FAM81A: variants seen among roughly 807,000 people sequenced by gnomAD.
FAM81A encodes family with sequence similarity 81 member A, also known as protein FAM81A.
In FAM81A, 19 loss-of-function variants were observed where a neutral mutation model predicts 46.7. The ratio of observed to expected loss-of-function variants is 0.41; its 90% confidence interval spans 0.28 to 0.60. The LOEUF (loss-of-function observed/expected upper bound fraction) is 0.60. Ranked by LOEUF, FAM81A falls within the 20% of genes least tolerant of loss-of-function variation. FAM81A has a pLI of 0.34. For synonymous variants in FAM81A, 183 were observed against 152.9 expected, an observed-to-expected ratio of 1.20 and a Z score of -1.45; for missense variants, 377 against 453.5, an observed-to-expected ratio of 0.83 and a Z score of 1.53.
At chr15:59,433,712 C>T (rs761777014), upstream of FAM81A, among the ~76,000 whole-genome samples, 1 of 152,164 alleles carries the variant, frequency 6.6e-6, no homozygotes, top group Admixed American at 6.5e-5. Flanking sequence ...CGATAAAGAA[C>T]AGCCATAAAG....
chr15:59,505,936 C>A (rs1161477742), intron 4 of FAM81A, among the ~76,000 whole-genome samples: 1 of 152,182 alleles, frequency 6.6e-6, no homozygotes, highest in East Asian at 1.9e-4. Context: ...CTGGCCATCT[C>A]TTATTCCAGG....
chr15:59,446,091 A>G (rs2081351575), intron 1 of FAM81A, among the ~76,000 whole-genome samples: 1 of 152,214 alleles, frequency 6.6e-6, no homozygotes, highest in Non-Finnish European at 1.5e-5. Context: ...AAGGTGAATG[A>G]ACAAATATGT....
At chr15:59,430,228 G>A (rs974208242) in intron 2 of FAM81A, among the ~76,000 whole-genome samples, 1 of 149,070 alleles carries the variant, frequency 6.7e-6, no homozygotes, top group Admixed American at 6.7e-5. Context: ...CCCTTCCTGT[G>A]GCACCAAATA....
intron 4 of FAM81A, among the ~76,000 whole-genome samples, chr15:59,493,460 C>G (rs760395193): frequency 6.6e-6 from 1 of 152,200 alleles, no homozygotes; most frequent in Non-Finnish European, 1.5e-5. Context: ...CCTCTTCTCT[C>G]TCTACCCTTG....
rs990362661 is a variant in FAM81A, at chr15:59,521,402, A to G, written c.*24A>G. The G allele has an allele frequency of 6.3e-7, 1 of 1,583,708 alleles. No homozygotes were observed. Reference sequence around the variant, plus strand: ...GAAGGGAGCTGGGACAAGGTCCTAAAAGACAGTTTTGCCAGTGGGGCTAGG... The same window carrying G: ...GAAGGGAGCTGGGACAAGGTCCTAAGAGACAGTTTTGCCAGTGGGGCTAGG... On this transcript the variant is annotated 3_prime_UTR_variant, in exon 9 of 9. Transcript: ENST00000288228.
intron 7 of FAM81A, among the ~76,000 whole-genome samples, chr15:59,515,148 G>A (rs1596548676): frequency 6.6e-6 from 1 of 152,128 alleles, no homozygotes; most frequent in African/African-American, 2.4e-5. Flanking sequence ...AGGAGGCTGA[G>A]CCTGAATCCA....
intron 2 of FAM81A, among the ~76,000 whole-genome samples, chr15:59,422,801 A>C (rs1277186093): frequency 6.6e-6 from 1 of 152,180 alleles, no homozygotes; most frequent in African/African-American, 2.4e-5. Flanking sequence ...AAAGCATTTA[A>C]AACATAGTTA....
intron 4 of FAM81A, among the ~76,000 whole-genome samples, chr15:59,500,070 C>G (rs1459029304): frequency 6.6e-6 from 1 of 151,984 alleles, no homozygotes; most frequent in Admixed American, 6.6e-5. Flanking sequence ...CCAGGCTGGT[C>G]TCAAACTCCT....
chr15:59,472,806 G>C (rs1186091171), intron 3 of FAM81A, among the ~76,000 whole-genome samples: 1 of 152,056 alleles, frequency 6.6e-6, no homozygotes, highest in Non-Finnish European at 1.5e-5. Context: ...CCAATTACCT[G>C]CAACTAAAGA....
chr15:59,435,006 C>T (rs1356476898), upstream of FAM81A, among the ~76,000 whole-genome samples: 1 of 152,170 alleles, frequency 6.6e-6, no homozygotes, highest in Non-Finnish European at 1.5e-5. Flanking sequence ...TAAACAATTT[C>T]AGCCGGGCTT....
rs1056148580 is a variant in FAM81A at position 59,516,548 on chromosome 15, T to C, written c.787-97T>C. 12 of 1,223,970 alleles carry C rather than the reference T, an allele frequency of 9.8e-6. No homozygotes were observed. In the East Asian group the frequency reaches 2.7e-4, roughly 27 times the overall value. The allele number at this position is 1,223,970 out of a possible 1,614,324, so 75.8% of individuals were successfully genotyped here. A position where few individuals can be genotyped will look rare whatever the true frequency, so the allele number is the denominator to read the frequency against. ...AACAAGCAGCTGTTGCAAATCTGTTTCTTGCAGATTGTTGTTAAACGATAT... is the reference window on the plus strand; with the variant it reads ...AACAAGCAGCTGTTGCAAATCTGTTCCTTGCAGATTGTTGTTAAACGATAT... On this transcript the variant is annotated intron_variant, in intron 7 of 8. Transcript: ENST00000288228.
At chr15:59,411,696 G>T (rs1235258539) in intron 2 of FAM81A, among the ~76,000 whole-genome samples, 4 of 152,052 alleles carry the variant, frequency 2.6e-5, no homozygotes, top group African/African-American at 9.7e-5. Flanking sequence ...TGAAAGGATC[G>T]CTTGAGGCCA....
At chr15:59,403,587 T>C (rs1435912646) in intron 2 of FAM81A, among the ~76,000 whole-genome samples, 4 of 152,176 alleles carry the variant, frequency 2.6e-5, no homozygotes, top group African/African-American at 9.7e-5. Context: ...AGCAGATGAG[T>C]ACAGCCTCTC....
At chr15:59,514,903 C>T (rs1235036153) in intron 7 of FAM81A, among the ~76,000 whole-genome samples, 1 of 152,158 alleles carries the variant, frequency 6.6e-6, no homozygotes, top group South Asian at 2.1e-4. Context: ...TCCTTCATCC[C>T]AGTCTCTCAC....
At chr15:59,516,581 G>GC (rs1567079510) in intron 7 of FAM81A, 64 bp from the exon 8 acceptor site, 21 of 1,498,806 alleles carry the variant, frequency 1.4e-5, no homozygotes, top group Non-Finnish European at 1.8e-5. Flanking sequence ...TATTATGGCT[G>GC]ATGTGAATGC....
intron 1 of FAM81A, among the ~76,000 whole-genome samples, chr15:59,449,500 G>A (rs1352752117): frequency 6.6e-6 from 1 of 152,094 alleles, no homozygotes; most frequent in Admixed American, 6.5e-5. Context: ...TGACATTGTA[G>A]GCCGGGCACG....
chr15:59,449,587 C>T (rs539159289), intron 1 of FAM81A, among the ~76,000 whole-genome samples: 29 of 152,044 alleles, frequency 1.9e-4, no homozygotes, highest in Non-Finnish European at 4.4e-5. Context: ...CGAGACCATC[C>T]TGGCTAACAC....
chr15:59,482,355 A>G (rs1209490964), intron 3 of FAM81A, among the ~76,000 whole-genome samples: 1 of 152,120 alleles, frequency 6.6e-6, no homozygotes, highest in African/African-American at 2.4e-5. Context: ...TACGATCTCC[A>G]CTACCTGGGT....
chr15:59,486,151 C>T (rs868515817), intron 3 of FAM81A, among the ~76,000 whole-genome samples: 7 of 151,982 alleles, frequency 4.6e-5, no homozygotes, highest in Middle Eastern at 3.4e-3. Flanking sequence ...TGCACTCCAT[C>T]CTGGGCAACA....
Sources: allele counts gnomAD v4.1 joint callset (sites outside exome capture counted in the v4.1 genomes callset), GRCh38; gene constraint gnomAD v4.1.1; transcripts MANE v1.5; gene names NCBI Gene and HGNC (gene_info 2026-07-23, HGNC 2026-07-21).